Variants in IPO8 observed in about 807,000 individuals in gnomAD.
IPO8 encodes the protein importin-8.
A neutral mutation model predicts 141.2 loss-of-function variants in IPO8; 65 were observed. That is an observed-to-expected ratio of 0.46 (90% CI 0.38 to 0.57). IPO8 has a LOEUF of 0.57. Ranked by LOEUF, IPO8 falls within the 20% of genes least tolerant of loss-of-function variation. The pLI, the probability that IPO8 is intolerant of heterozygous loss-of-function variation, is 0.00. For synonymous variants in IPO8, 411 were observed against 420.3 expected, an observed-to-expected ratio of 0.98 and a Z score of 0.27; for missense variants, 980 against 1,246.8, an observed-to-expected ratio of 0.79 and a Z score of 3.22.
intron 13 of IPO8, 129 bp downstream of exon 13, chr12:30,665,091 A>C: frequency 1.6e-6 from 1 of 617,296 alleles, no homozygotes; most frequent in South Asian, 2.1e-5. Flanking sequence ...ATGTGACCAT[A>C]GGCAGACATT....
chr12:30,677,475 G>C (rs2053137320), intron 5 of IPO8, among the ~76,000 whole-genome samples: 1 of 152,044 alleles, frequency 6.6e-6, no homozygotes. Context: ...TTCATCATTA[G>C]AGTGTACTCC....
intron 14 of IPO8, 115 bp from the exon 15 acceptor site, chr12:30,662,602 T>TA (rs1169608139): frequency 1.3e-6 from 1 of 742,764 alleles, no homozygotes; most frequent in Non-Finnish European, 2.4e-6. Context: ...AGGTTCTAGA[T>TA]ACACACTTGC....
intron 1 of IPO8, among the ~76,000 whole-genome samples, chr12:30,694,158 T>G (rs1357758459): frequency 6.6e-6 from 1 of 152,180 alleles, no homozygotes; most frequent in Non-Finnish European, 1.5e-5. Flanking sequence ...AGACTGCAAA[T>G]TCAGCTCCTG....
intron 8 of IPO8, 146 bp downstream of exon 8, chr12:30,673,844 G>A: frequency 2.1e-6 from 1 of 484,592 alleles, no homozygotes; most frequent in Non-Finnish European, 3.7e-6. Flanking sequence ...AAAACTAATT[G>A]CACTGTAATA....
chr12:30,658,937 A>G lies in IPO8; in HGVS notation c.1882-2187T>C, dbSNP rs541983891. ...GCTCTGTCCCCCAGGCTGGAGTGCA[A>G]TGGCATGATCTCGGCTCATTGCGAG... On this transcript the variant is annotated intron_variant, in intron 16 of 24. Coordinates refer to ENST00000256079, the MANE Select transcript of IPO8 (RefSeq NM_006390.4). Among the ~76,000 whole-genome samples, 5 of 140,252 alleles carry G rather than the reference A, an allele frequency of 3.6e-5. No individual in the cohort carries two copies. In the South Asian group the frequency reaches 8.9e-4, roughly 25 times the overall value. 92.0% of individuals were successfully genotyped at this position (140,252 alleles called of 152,430 possible).
rs1253565567 is a variant in IPO8 at position 30,629,228 on chromosome 12, C to T, written c.*1632G>A. 6.6e-6 allele frequency: 1 copy of T among 152,160 alleles called. No individual in the cohort carries two copies. Among genetic ancestry groups the T allele is most frequent in the Non-Finnish European group, 1.5e-5 (1 of 68,020 alleles). The allele number at this position is 152,160 out of a possible 1,614,324, so 9.4% of individuals were successfully genotyped here. On this transcript the variant is annotated 3_prime_UTR_variant, in exon 25 of 25. Transcript: ENST00000256079. ...TGCCTTTTACAATCCAGTGTGAAGG[C>T]ATATTATTTATGTTAAAATTAGACC...
At chr12:30,676,274 G>GA (rs898779708) in intron 6 of IPO8, among the ~76,000 whole-genome samples, 1 of 151,496 alleles carries the variant, frequency 6.6e-6, no homozygotes, top group Admixed American at 6.6e-5. Context: ...AGATGCAGAG[G>GA]AAAAAAAGAC....
intron 8 of IPO8, 85 bp downstream of exon 8, chr12:30,673,905 T>C: frequency 1.4e-6 from 1 of 726,370 alleles, no homozygotes; most frequent in Non-Finnish European, 2.3e-6. Flanking sequence ...TGAATTAGTA[T>C]GTTTGTAACC....
chr12:30,638,257 C>A (rs1256390906), intron 21 of IPO8, among the ~76,000 whole-genome samples: 1 of 152,236 alleles, frequency 6.6e-6, no homozygotes, highest in African/African-American at 2.4e-5. Context: ...CTAAATCTTT[C>A]TCAGAGATAA....
rs537524362 is a variant in IPO8 at position 30,645,241 on chromosome 12, C to T, written c.2268+3896G>A. On this transcript the variant is annotated intron_variant, in intron 20 of 24. Transcript: ENST00000256079. ...AACAAAAATTAGCTGGGTGTGATGG[C>T]GCACGCCTGTAATACCAGCTACTTG... is the stretch of plus-strand genomic sequence containing the variant. Among the ~76,000 whole-genome samples the T allele has an allele frequency of 1.7e-3, 258 of 151,810 alleles. 2 individuals carry two copies. The highest frequency in any genetic ancestry group is 3.6e-3 in the African/African-American group (149 of 41,460).
chr12:30,640,016 C>A (rs557844047), intron 20 of IPO8, among the ~76,000 whole-genome samples: 40 of 152,318 alleles, frequency 2.6e-4, no homozygotes, highest in Non-Finnish European at 4.1e-4. Flanking sequence ...CACGCTCAAA[C>A]AGTGTCAATA....
At chr12:30,678,124 C>CAAA (rs35828691) in intron 5 of IPO8, among the ~76,000 whole-genome samples, 2 of 76,630 alleles carry the variant, frequency 2.6e-5, no homozygotes, top group Non-Finnish European at 2.5e-5. Context: ...GACTCCATCT[C>CAAA]AAAAAAAAAA....
At chr12:30,654,398 G>C (rs773388247) in intron 17 of IPO8, among the ~76,000 whole-genome samples, 2 of 151,436 alleles carry the variant, frequency 1.3e-5, no homozygotes, top group African/African-American at 4.8e-5. Context: ...AAACTAAAAG[G>C]CTTTTGCATA....
At chr12:30,670,343 A>G (rs1565504870) in intron 9 of IPO8, among the ~76,000 whole-genome samples, 1 of 152,212 alleles carries the variant, frequency 6.6e-6, no homozygotes, top group African/African-American at 2.4e-5. Context: ...GTAGGTATTC[A>G]GTTCCTAAGA....
intron 6 of IPO8, among the ~76,000 whole-genome samples, chr12:30,676,134 T>G (rs76335456): frequency 4.6e-5 from 7 of 151,916 alleles, no homozygotes; most frequent in Non-Finnish European, 7.4e-5. Context: ...CTATGTTGCA[T>G]AGATTGGTCT....
chr12:30,672,301 T>C (rs2053062573), intron 8 of IPO8, among the ~76,000 whole-genome samples: 1 of 152,208 alleles, frequency 6.6e-6, no homozygotes, highest in Non-Finnish European at 1.5e-5. Context: ...AACTCAGGTT[T>C]ACCAAATTTG....
chr12:30,646,107 A>C (rs549604573), intron 20 of IPO8, among the ~76,000 whole-genome samples: 2 of 152,198 alleles, frequency 1.3e-5, no homozygotes, highest in African/African-American at 2.4e-5. Flanking sequence ...ACACAAAAAT[A>C]CTTTTTAAAA....
intron 16 of IPO8, among the ~76,000 whole-genome samples, chr12:30,658,750 C>T (rs1361354101): frequency 6.6e-6 from 1 of 151,882 alleles, no homozygotes; most frequent in Non-Finnish European, 1.5e-5. Flanking sequence ...TAATTTGGAA[C>T]ATCTCACTGT....
In IPO8 at chr12:30,630,293, C is replaced by T. The variant is rs1281367674; in HGVS notation, c.*567G>A. 1.3e-5 allele frequency: 2 copies of T among 152,180 alleles called. No homozygotes were observed. The highest frequency in any genetic ancestry group is 2.9e-5 in the Non-Finnish European group (2 of 68,064). 9.4% of individuals were successfully genotyped at this position (152,180 alleles called of 1,614,324 possible). The stretch of plus-strand genomic sequence containing the variant: ...TAATACAACCCCTGAAAAAAGCCCC[C>T]CAGCAGCAGGGTGAGCAGAGGGAGC... On this transcript the variant is annotated 3_prime_UTR_variant, in exon 25 of 25. Coordinates refer to ENST00000256079, the MANE Select transcript of IPO8 (RefSeq NM_006390.4).
Sources: gnomAD v4.1 joint callset for allele counts (sites outside exome capture counted in the v4.1 genomes callset) on GRCh38, gnomAD v4.1.1 for gene constraint, MANE v1.5 for transcripts, NCBI Gene and HGNC (gene_info 2026-07-23, HGNC 2026-07-21) for gene names.